CCDC172: variants seen among roughly 807,000 people sequenced by gnomAD.
CCDC172 encodes the protein coiled-coil domain containing 172.
CCDC172 carries 30 observed loss-of-function variants against 38.0 expected under a neutral mutation model. The ratio of observed to expected loss-of-function variants is 0.79; its 90% CI spans 0.59 to 1.07. CCDC172 has a LOEUF of 1.07. Ranked by LOEUF, CCDC172 falls within the 50% of genes least tolerant of loss-of-function variation. CCDC172 has a pLI of 0.00. For missense variants in CCDC172, 297 were observed against 290.1 expected (o/e 1.02, Z -0.17); for synonymous variants, 78 against 88.3 (o/e 0.88, Z 0.66).
chr10:116,376,833 G>A (rs867478534), intron 7 of CCDC172, among the ~76,000 whole-genome samples: 1 of 152,108 alleles, frequency 6.6e-6, no homozygotes, highest in Non-Finnish European at 1.5e-5. Flanking sequence ...TAAGGCATGA[G>A]AAGGGTGACA....
intron 5 of CCDC172, among the ~76,000 whole-genome samples, chr10:116,346,145 A>G (rs977066697): frequency 2.0e-5 from 3 of 152,026 alleles, no homozygotes; most frequent in Non-Finnish European, 4.4e-5. Context: ...CCAAAAAATT[A>G]GCCGGGCGTG....
chr10:116,342,667 TGTC>T (rs1844810461), intron 5 of CCDC172, among the ~76,000 whole-genome samples: 1 of 152,150 alleles, frequency 6.6e-6, no homozygotes, highest in African/African-American at 2.4e-5. Flanking sequence ...CCCATGCAAA[TGTC>T]GTGTCAAATT....
chr10:116,332,021 G>T (rs1039099217), intron 3 of CCDC172, among the ~76,000 whole-genome samples: 1 of 152,062 alleles, frequency 6.6e-6, no homozygotes, highest in Admixed American at 6.6e-5. Context: ...TTCGTAACTG[G>T]CATAGATATT....
At position 116,325,364 on chromosome 10, in the gene CCDC172, A is replaced by C. The variant is rs1314754128; in HGVS notation, c.141A>C (p.Glu47Asp). 8.7e-6 allele frequency: 14 copies of C among 1,613,874 alleles called. No individual in the cohort carries two copies. In the East Asian group the frequency reaches 3.1e-4, roughly 36 times the overall value. ...AGAAAGCAACGGAGGAGCTGAATGA[A>C]GAGAAAATCAAGCTGGAATCTAAGG... is the stretch of plus-strand genomic sequence containing the variant. Reference protein sequence around the residue: ...KIKKATEELNEEKIKLESKVQ... With the variant: ...KIKKATEELNDEKIKLESKVQ... Residue 47 changes from glutamate (E) to aspartate (D), a missense_variant, in exon 3 of 9, where the codon GAA (glutamate) becomes GAC (aspartate). Coordinates refer to ENST00000333254, the MANE Select transcript of CCDC172 (RefSeq NM_198515.3).
At chr10:116,340,237 C>T (rs913677635) in intron 3 of CCDC172, among the ~76,000 whole-genome samples, 9 of 151,770 alleles carry the variant, frequency 5.9e-5, no homozygotes, top group African/African-American at 1.9e-4. Flanking sequence ...TTAGCAGACT[C>T]GTTTTTTATT....
At chr10:116,325,589 C>G (rs891472009) in intron 3 of CCDC172, among the ~76,000 whole-genome samples, 2 of 152,058 alleles carry the variant, frequency 1.3e-5, no homozygotes, top group Non-Finnish European at 2.9e-5. Flanking sequence ...CGAATTTGCC[C>G]TAAATAAACT....
intron 6 of CCDC172, 52 bp downstream of exon 6, chr10:116,357,533 CATG>C (rs1347515303): frequency 5.3e-6 from 7 of 1,332,402 alleles, no homozygotes; most frequent in Admixed American, 3.0e-5. Flanking sequence ...GTTATATATG[CATG>C]ATAAGGGCAT....
chr10:116,364,110 T>C (rs1351769807), intron 7 of CCDC172, among the ~76,000 whole-genome samples: 2 of 152,158 alleles, frequency 1.3e-5, no homozygotes, highest in African/African-American at 4.8e-5. Context: ...AGTGGTTCTT[T>C]ATCCATGCAT....
At chr10:116,360,287 A>T (rs1225009943) in intron 7 of CCDC172, among the ~76,000 whole-genome samples, 1 of 152,082 alleles carries the variant, frequency 6.6e-6, no homozygotes, top group Admixed American at 6.5e-5. Context: ...CAGTAAGCAT[A>T]GTGGTTAAAC....
chr10:116,362,360 C>T (rs1036824634), intron 7 of CCDC172, among the ~76,000 whole-genome samples: 1 of 152,114 alleles, frequency 6.6e-6, no homozygotes, highest in Non-Finnish European at 1.5e-5. Flanking sequence ...TTGTACTAAT[C>T]TTCATTCTTT....
intron 7 of CCDC172, among the ~76,000 whole-genome samples, chr10:116,376,631 T>C (rs1476131161): frequency 1.3e-5 from 2 of 152,224 alleles, no homozygotes; most frequent in African/African-American, 4.8e-5. Context: ...ATCAAACTTG[T>C]ATGATATTAG....
chr10:116,373,774 G>A (rs556856084), intron 7 of CCDC172, among the ~76,000 whole-genome samples: 3 of 152,126 alleles, frequency 2.0e-5, no homozygotes, highest in Admixed American at 6.5e-5. Context: ...CAAAGTGCTG[G>A]GATTACAGGC....
Position 116,324,932 on chromosome 10 carries a change from T to C in CCDC172, c.-65-15T>C, listed in dbSNP as rs1844570311. 1 of 1,158,344 alleles carries C rather than the reference T, an allele frequency of 8.6e-7. No homozygotes were observed. The highest frequency in any genetic ancestry group is 1.3e-6 in the Non-Finnish European group (1 of 776,772). The allele number at this position is 1,158,344 out of a possible 1,614,324, so 71.8% of individuals were successfully genotyped here. On this transcript the variant is annotated splice_polypyrimidine_tract_variant and intron_variant, in intron 1 of 8. Transcript: ENST00000333254. ...TGGTTCTAGAAGAATCCATCTTCTT[T>C]ATTCTGCTTTCCAGGATCCTCAGAG...
intron 5 of CCDC172, among the ~76,000 whole-genome samples, chr10:116,355,048 T>C (rs1844978129): frequency 6.6e-6 from 1 of 152,216 alleles, no homozygotes; most frequent in Admixed American, 6.5e-5. Flanking sequence ...TGAAAGTTAA[T>C]TTATTATCAA....
chr10:116,329,086 A>G (rs966467699), intron 3 of CCDC172, among the ~76,000 whole-genome samples: 10 of 152,224 alleles, frequency 6.6e-5, no homozygotes, highest in African/African-American at 1.9e-4. Flanking sequence ...ACATCAAGCA[A>G]TTTCAACTAT....
intron 6 of CCDC172, 148 bp downstream of exon 6, chr10:116,357,629 C>A: frequency 1.2e-6 from 1 of 824,402 alleles, no homozygotes; most frequent in Non-Finnish European, 1.8e-6. Flanking sequence ...CACTAATCAA[C>A]GTGAGATCTG....
intron 3 of CCDC172, among the ~76,000 whole-genome samples, chr10:116,338,655 G>A (rs573241846): frequency 7.8e-4 from 119 of 152,110 alleles, no homozygotes; most frequent in African/African-American, 2.8e-3. Flanking sequence ...CTTAATATTG[G>A]TTATTCTCCC....
At chr10:116,371,346 A>G (rs1845183539) in intron 7 of CCDC172, among the ~76,000 whole-genome samples, 1 of 151,944 alleles carries the variant, frequency 6.6e-6, no homozygotes, top group South Asian at 2.1e-4. Flanking sequence ...CAATTATATT[A>G]ATGAATTTCT....
intron 5 of CCDC172, among the ~76,000 whole-genome samples, chr10:116,342,710 G>T (rs1844811047): frequency 6.6e-6 from 1 of 152,152 alleles, no homozygotes; most frequent in African/African-American, 2.4e-5. Flanking sequence ...GTTGGGCCTG[G>T]TGGGAGGTGA....
Sources: allele counts gnomAD v4.1 joint callset (sites outside exome capture counted in the v4.1 genomes callset), GRCh38; gene constraint gnomAD v4.1.1; transcripts MANE v1.5; gene names NCBI Gene and HGNC (gene_info 2026-07-23, HGNC 2026-07-21).